The following YIPF2 variants were observed in gnomAD, a reference collection of about 807,000 sequenced individuals.
The protein encoded by YIPF2 is Yip1 domain family member 2.
In YIPF2, 30 loss-of-function variants were observed where a neutral mutation model predicts 38.8. That is an observed-to-expected ratio of 0.77 (90% CI 0.58 to 1.05). The LOEUF is 1.05. Among genes scored for constraint, YIPF2 ranks in the 50% least tolerant of loss-of-function variants. YIPF2 has a pLI of 0.00. For synonymous variants in YIPF2, 194 were observed against 183.8 expected (o/e 1.06, Z -0.45); for missense variants, 401 against 409.7 (o/e 0.98, Z 0.18).
Position 10,923,815 on chromosome 19 carries a change from G to C in YIPF2, c.651+18C>G, listed in dbSNP as rs377031399. The C allele has an allele frequency of 5.6e-6, 9 of 1,608,720 alleles. No homozygotes were observed. In the Admixed American group the frequency reaches 1.5e-4, roughly 27 times the overall value. On this transcript the variant is annotated intron_variant, in intron 7 of 9. Coordinates refer to ENST00000586748, the MANE Select transcript of YIPF2 (RefSeq NM_001321439.2). ...TCCCCACACAGCCACCACCCACTCC[G>C]CGCCAGGCCACACTCACCACCATGG...
In YIPF2 at chr19:10,923,060, T is replaced by G. The variant is rs1462085386; in HGVS notation, c.*134A>C. 7 of 498,560 alleles carry G rather than the reference T, an allele frequency of 1.4e-5. No homozygotes were observed. The highest frequency in any genetic ancestry group is 2.5e-5 in the Non-Finnish European group (7 of 285,690). The allele number at this position is 498,560 out of a possible 1,614,324, so 30.9% of individuals were successfully genotyped here. ...ACCTTTGCATAGAAAATAAAAGTGTTTGCTTTGTAAGAAAAGTCTGGAAAG... is the reference window on the plus strand; with the variant it reads ...ACCTTTGCATAGAAAATAAAAGTGTGTGCTTTGTAAGAAAAGTCTGGAAAG... On this transcript the variant is annotated 3_prime_UTR_variant, in exon 10 of 10. Transcript: ENST00000586748.
At chr19:10,925,855 C>T in intron 4 of YIPF2, 82 bp from the exon 5 acceptor site, 1 of 1,351,250 alleles carries the variant, frequency 7.4e-7, no homozygotes, top group Non-Finnish European at 1.0e-6. Context: ...CTGCTGACCT[C>T]CACCCTTCTC....
At chr19:10,923,459 C>T (rs748646910) in intron 8 of YIPF2, 36 bp downstream of exon 8, 1 of 1,612,992 alleles carries the variant, frequency 6.2e-7, no homozygotes, top group African/African-American at 1.3e-5. Flanking sequence ...CCCCCCTAGC[C>T]CCTCGGCCCC....
chr19:10,927,255 C>A (rs1192156187), intron 4 of YIPF2, among the ~76,000 whole-genome samples: 3 of 152,174 alleles, frequency 2.0e-5, no homozygotes, highest in Admixed American at 2.0e-4. Context: ...CTGCCCACCT[C>A]GGCCCCCTTA....
At chr19:10,923,749 T>TCAC (rs2074311411) in intron 7 of YIPF2, 72 bp from the exon 8 acceptor site, 2 of 1,579,476 alleles carry the variant, frequency 1.3e-6, no homozygotes, top group Non-Finnish European at 1.7e-6. Context: ...CAGGCCACCC[T>TCAC]CACCACCATG....
In YIPF2 at chr19:10,926,010, A is replaced by G. The variant is rs185452301; in HGVS notation, c.280-237T>C. 2.1e-3 allele frequency among the ~76,000 whole-genome samples: 310 copies of G among 149,212 alleles called. 5 individuals are homozygous for G. Among genetic ancestry groups the G allele is most frequent in the East Asian group, 0.02 (103 of 5,048 alleles). ...ACTGCAACCTCTGCCTCCCGAGCTC[A>G]AGCAATTCTCCTACCTCAGCCACCC... On this transcript the variant is annotated intron_variant, in intron 4 of 9. Transcript: ENST00000586748.
Position 10,924,107 on chromosome 19 carries a change from G to C in YIPF2, c.453C>G (p.Pro151=), listed in dbSNP as rs760346057. 21 of 1,613,868 alleles carry C rather than the reference G, an allele frequency of 1.3e-5. 1 individual carries two copies. The South Asian group carries it at 1.5e-4, about 12-fold the overall frequency. ...LTLVLAQRRD[P]SIHYSPQFHK... is the part of the protein sequence containing the mutation. ...GGAACTGGGGGCTGTAGTGGATGGA[G>C]GGGTCCCTCCTCTGGGCCAGCACCA... The change falls in exon 6 of 10, where the codon CCC becomes CCG. Residue 151 remains proline, a synonymous_variant. Coordinates refer to ENST00000586748, the MANE Select transcript of YIPF2 (RefSeq NM_001321439.2).
At position 10,922,295 on chromosome 19, in the gene YIPF2, G is replaced by A. The variant is rs2074267282; in HGVS notation, c.*899C>T. ...GCCGAGCCAGCAGCCCCTCTCCCTA[G>A]ACTCAGAGGCGCCGCGGGGAGGGGT... On this transcript the variant is annotated 3_prime_UTR_variant, in exon 10 of 10. Coordinates refer to ENST00000586748, the MANE Select transcript of YIPF2 (RefSeq NM_001321439.2). 6.5e-6 allele frequency: 1 copy of A among 152,698 alleles called. No individual in the cohort carries two copies. Among genetic ancestry groups the A allele is most frequent in the Admixed American group, 6.5e-5 (1 of 15,280 alleles). 9.5% of individuals were successfully genotyped at this position (152,698 alleles called of 1,614,324 possible). A position where few individuals can be genotyped will look rare whatever the true frequency, so the allele number is the denominator to read the frequency against.
At chr19:10,926,097 G>A (rs760288240) in intron 4 of YIPF2, among the ~76,000 whole-genome samples, 4 of 151,672 alleles carry the variant, frequency 2.6e-5, no homozygotes, top group Non-Finnish European at 5.9e-5. Context: ...TTTTAATAGA[G>A]ACGGGATTTC....
chr19:10,923,767 G>A (rs538152313), intron 7 of YIPF2, 66 bp downstream of exon 7: 32 of 1,583,278 alleles, frequency 2.0e-5, no homozygotes, highest in Middle Eastern at 3.5e-4. Flanking sequence ...ATGGGAATGA[G>A]GCGGCAGGTG....
At chr19:10,927,530 T>C (rs1380932111) in intron 4 of YIPF2, 100 bp downstream of exon 4, 6 of 1,467,978 alleles carry the variant, frequency 4.1e-6, no homozygotes, top group Non-Finnish European at 5.6e-6. Context: ...CCACAGTTCG[T>C]TCACCAGCAC....
chr19:10,924,266 C>T, intron 5 of YIPF2, 74 bp from the exon 6 acceptor site: 5 of 1,381,918 alleles, frequency 3.6e-6, no homozygotes, highest in Admixed American at 1.9e-5. Flanking sequence ...CCTGACTGAG[C>T]TGTGCTGAGA....
At chr19:10,926,085 A>C (rs2083420859) in intron 4 of YIPF2, among the ~76,000 whole-genome samples, 1 of 150,610 alleles carries the variant, frequency 6.6e-6, no homozygotes, top group African/African-American at 2.4e-5. Context: ...TAATAGTTGT[A>C]TTTTTAATAG....
chr19:10,927,196 A>G (rs2083439029), intron 4 of YIPF2, among the ~76,000 whole-genome samples: 1 of 152,012 alleles, frequency 6.6e-6, no homozygotes, highest in Non-Finnish European at 1.5e-5. Flanking sequence ...TTTGGTAGAG[A>G]CGGGGTTTCC....
rs1320793725 is a variant in YIPF2, at chr19:10,924,085, A to C, written c.475T>G (p.Phe159Val). 6.2e-7 allele frequency: 1 copy of C among 1,613,886 alleles called. No homozygotes were observed. The highest frequency in any genetic ancestry group is 8.5e-7 in the Non-Finnish European group (1 of 1,179,912). The change falls in exon 6 of 10, where the codon TTC (phenylalanine) becomes GTC (valine). Residue 159 changes from phenylalanine (F) to valine (V), a missense_variant. By Grantham distance (50) the Phe-to-Val change is conservative (BLOSUM62 -1). Transcript: ENST00000586748. ...CTGCCCGTCTGCTTACCCTTGTGGAACTGGGGGCTGTAGTGGATGGAGGGG... is the reference window on the plus strand; with the variant it reads ...CTGCCCGTCTGCTTACCCTTGTGGACCTGGGGGCTGTAGTGGATGGAGGGG... ...RDPSIHYSPQ[F>V]HKVTVAGISI...
intron 2 of YIPF2, 127 bp downstream of exon 2, chr19:10,928,253 G>C (rs1197452367): frequency 1.1e-5 from 13 of 1,182,258 alleles, no homozygotes; most frequent in Non-Finnish European, 1.2e-5. Context: ...TCAGAGATGG[G>C]TCTCACTCCT....
At position 10,923,276 on chromosome 19, in the gene YIPF2, G is replaced by A. The variant is rs562526305; in HGVS notation, c.*15C>T. 3.1e-6 allele frequency: 5 copies of A among 1,601,368 alleles called. No homozygotes were observed. The highest frequency in any genetic ancestry group is 1.1e-5 in the South Asian group (1 of 90,246). On this transcript the variant is annotated 3_prime_UTR_variant, in exon 9 of 10. Coordinates refer to ENST00000586748, the MANE Select transcript of YIPF2 (RefSeq NM_001321439.2). ...CCAGCTGGGAATAGTCCTTACCTGT[G>A]GGACCCGGGCCTTCCTAGGAGGGGG...
intron 7 of YIPF2, 51 bp downstream of exon 7, chr19:10,923,782 T>C: frequency 1.3e-6 from 2 of 1,592,144 alleles, no homozygotes; most frequent in Non-Finnish European, 1.7e-6. Flanking sequence ...CAGGTGACCA[T>C]GCCAGTGTCC....
At chr19:10,924,566 C>T (rs2083389112) in intron 5 of YIPF2, among the ~76,000 whole-genome samples, 1 of 152,130 alleles carries the variant, frequency 6.6e-6, no homozygotes, top group Admixed American at 6.5e-5. Flanking sequence ...CTTATGCCTC[C>T]TCTAGAGCCC....
Sources: allele counts gnomAD v4.1 joint callset (sites outside exome capture counted in the v4.1 genomes callset), GRCh38; gene constraint gnomAD v4.1.1; transcripts MANE v1.5; gene names NCBI Gene and HGNC (gene_info 2026-07-23, HGNC 2026-07-21).